Variants in HS3ST5 observed in about 807,000 individuals in gnomAD.
The protein encoded by HS3ST5 is heparan sulfate glucosamine 3-O-sulfotransferase 5.
HS3ST5 carries 10 observed loss-of-function variants against 25.4 expected under a neutral mutation model. The ratio of observed to expected loss-of-function variants is 0.39; its 90% confidence interval spans 0.24 to 0.67. The LOEUF (loss-of-function observed/expected upper bound fraction) is 0.67. Among genes scored for constraint, HS3ST5 ranks in the 30% least tolerant of loss-of-function variants. The pLI is 0.44. For synonymous variants in HS3ST5, 170 were observed against 162.4 expected, an observed-to-expected ratio of 1.05 and a Z score of -0.36; for missense variants, 324 against 420.7, an observed-to-expected ratio of 0.77 and a Z score of 2.01.
At chr6:114,178,994 A>G (rs1209268675) in intron 2 of HS3ST5, 4 of 152,200 alleles carry the variant, frequency 2.6e-5, no homozygotes, top group African/African-American at 9.6e-5. Flanking sequence ...ATTTGACAGC[A>G]TACATTTTCT....
At position 114,273,453 on chromosome 6, in the gene HS3ST5, C is replaced by G. The variant is rs188546975; in HGVS notation, c.-338-44675G>C. On this transcript the variant is annotated intron_variant, in intron 1 of 4. Coordinates refer to ENST00000312719, the MANE Select transcript of HS3ST5 (RefSeq NM_153612.4). ...TGAGGTCCAGGTGAAAATTATCAGCCTATTGATGGTATTTAAGGCCATAAG... is the reference window on the plus strand; with the variant it reads ...TGAGGTCCAGGTGAAAATTATCAGCGTATTGATGGTATTTAAGGCCATAAG... Among the ~76,000 whole-genome samples the G allele has an allele frequency of 1.6e-3, 249 of 151,946 alleles. 1 individual carries two copies. Among genetic ancestry groups the G allele is most frequent in the African/African-American group, 5.8e-3 (240 of 41,466 alleles).
chr6:114,148,988 C>G (rs1223327275), intron 3 of HS3ST5, among the ~76,000 whole-genome samples: 1 of 152,192 alleles, frequency 6.6e-6, no homozygotes, highest in Non-Finnish European at 1.5e-5. Flanking sequence ...GAAAGCTCAT[C>G]ATCACTGATC....
At chr6:114,156,206 T>C (rs750773256) in intron 3 of HS3ST5, among the ~76,000 whole-genome samples, 3 of 152,128 alleles carry the variant, frequency 2.0e-5, no homozygotes. Context: ...TCCTATTCTT[T>C]CCCAAATTAA....
chr6:114,286,946 A>G (rs1447704611), intron 1 of HS3ST5, among the ~76,000 whole-genome samples: 1 of 151,956 alleles, frequency 6.6e-6, no homozygotes, highest in Non-Finnish European at 1.5e-5. Flanking sequence ...TTAAGAAGAA[A>G]GGTAAAAATG....
intron 1 of HS3ST5, among the ~76,000 whole-genome samples, chr6:114,281,572 A>T (rs573961180): frequency 3.5e-4 from 53 of 152,062 alleles, no homozygotes; most frequent in South Asian, 2.3e-3. Flanking sequence ...GATGTTAGGG[A>T]TAGTGAGGAA....
intron 2 of HS3ST5, among the ~76,000 whole-genome samples, chr6:114,206,923 G>A (rs944285964): frequency 5.3e-5 from 8 of 152,154 alleles, no homozygotes; most frequent in African/African-American, 1.9e-4. Flanking sequence ...GGACATTGTG[G>A]AGTACATTAA....
At chr6:114,182,883 C>CTA (rs1165906410) in intron 2 of HS3ST5, among the ~76,000 whole-genome samples, 1 of 152,114 alleles carries the variant, frequency 6.6e-6, no homozygotes, top group African/African-American at 2.4e-5. Context: ...ACGGATGGCC[C>CTA]TACTCAGTGT....
intron 1 of HS3ST5, among the ~76,000 whole-genome samples, chr6:114,306,276 C>CATAT (rs1380560449): frequency 1.1e-4 from 16 of 146,196 alleles, no homozygotes; most frequent in African/African-American, 3.3e-4. Context: ...CACACACACA[C>CATAT]ACATATATAT....
At chr6:114,074,825 G>A (rs12201726) in intron 3 of HS3ST5, among the ~76,000 whole-genome samples, 21,749 of 151,990 alleles carry the variant, frequency 0.14, 1,603 homozygotes, top group Middle Eastern at 0.21. Context: ...TATATAATAA[G>A]CTTATATGCA....
Position 114,154,855 on chromosome 6 carries a change from GA to G in HS3ST5, c.-33+13495del, listed in dbSNP as rs756971598. Among the ~76,000 whole-genome samples the G allele has an allele frequency of 6.6e-5, 10 of 152,266 alleles. No homozygotes were observed. The South Asian group carries it at 2.1e-3, about 32-fold the overall frequency. On this transcript the variant is annotated intron_variant, in intron 3 of 4. Transcript: ENST00000312719. ...GTCATCTCACTGATAAGTCTTCCCT[GA>G]CTGCCATACATAAGAAGGCAGCCTC...
At chr6:114,265,840 C>A (rs1007176188) in intron 1 of HS3ST5, among the ~76,000 whole-genome samples, 7 of 152,054 alleles carry the variant, frequency 4.6e-5, no homozygotes, top group African/African-American at 9.7e-5. Context: ...GCATCTCTTC[C>A]CTGCCAATCC....
rs1029668869 is a variant in HS3ST5 at position 114,267,520 on chromosome 6, A to C, written c.-338-38742T>G. ...CAGATCCCAGAGAACTGAGCAGAGA[A>C]TCAGATATGGAGAACACAAGGCACA... is the stretch of plus-strand genomic sequence containing the variant. On this transcript the variant is annotated intron_variant, in intron 1 of 4. Coordinates refer to ENST00000312719, the MANE Select transcript of HS3ST5 (RefSeq NM_153612.4). 4.6e-4 allele frequency among the ~76,000 whole-genome samples: 70 copies of C among 152,332 alleles called. 2 individuals carry two copies. Among genetic ancestry groups the C allele is most frequent in the Middle Eastern group, 6.8e-3 (2 of 294 alleles).
chr6:114,248,814 G>A (rs900982066), intron 1 of HS3ST5, among the ~76,000 whole-genome samples: 1 of 152,136 alleles, frequency 6.6e-6, no homozygotes, highest in Non-Finnish European at 1.5e-5. Flanking sequence ...TTAACAAGAT[G>A]GTCCTTACAT....
At chr6:114,338,326 C>T (rs1776691274) in intron 1 of HS3ST5, among the ~76,000 whole-genome samples, 1 of 151,256 alleles carries the variant, frequency 6.6e-6, no homozygotes, top group African/African-American at 2.4e-5. Flanking sequence ...TATATACATA[C>T]ATATACATAA....
intron 1 of HS3ST5, among the ~76,000 whole-genome samples, chr6:114,335,336 A>G (rs1776565832): frequency 6.6e-6 from 1 of 152,064 alleles, no homozygotes; most frequent in Admixed American, 6.5e-5. Context: ...TAAGAATAGA[A>G]TTAAACTTGA....
intron 1 of HS3ST5, among the ~76,000 whole-genome samples, chr6:114,341,794 C>A (rs1776889787): frequency 6.6e-6 from 1 of 152,094 alleles, no homozygotes; most frequent in African/African-American, 2.4e-5. Flanking sequence ...CTCCAAACAG[C>A]TCCACAGCCA....
chr6:114,151,999 C>T (rs1390731403), intron 3 of HS3ST5, among the ~76,000 whole-genome samples: 3 of 151,970 alleles, frequency 2.0e-5, no homozygotes, highest in Non-Finnish European at 4.4e-5. Flanking sequence ...GGCGTGATCT[C>T]GGTTCACTGC....
chr6:114,210,734 GC>G (rs1343443454), intron 2 of HS3ST5, among the ~76,000 whole-genome samples: 1 of 152,158 alleles, frequency 6.6e-6, no homozygotes, highest in Non-Finnish European at 1.5e-5. Context: ...GCAGTGATTG[GC>G]CTTTGCCCAA....
At chr6:114,291,620 G>GAA in intron 1 of HS3ST5, among the ~76,000 whole-genome samples, 2 of 152,314 alleles carry the variant, frequency 1.3e-5, no homozygotes, top group East Asian at 3.9e-4. Context: ...ACAGGATGAA[G>GAA]AAAGGTGGGC....
Sources: allele counts gnomAD v4.1 joint callset (sites outside exome capture counted in the v4.1 genomes callset), GRCh38; gene constraint gnomAD v4.1.1; transcripts MANE v1.5; gene names NCBI Gene and HGNC (gene_info 2026-07-23, HGNC 2026-07-21).